Variants in ZNF584 observed in about 807,000 individuals in gnomAD.
ZNF584 encodes the protein zinc finger protein 584.
A neutral mutation model predicts 14.7 loss-of-function variants in ZNF584; 12 were observed. The ratio of observed to expected loss-of-function variants is 0.82; its 90% confidence interval spans 0.52 to 1.32. ZNF584 has a LOEUF of 1.32. ZNF584 is among the 40% of genes most tolerant of loss of function. The pLI, the probability that ZNF584 is intolerant of heterozygous loss-of-function variation, is 0.00. For missense variants in ZNF584, 478 were observed against 518.8 expected (o/e 0.92, Z 0.76); for synonymous variants, 204 against 190.9 (o/e 1.07, Z -0.57).
chr19:58,404,371 G>T (rs1176477663), upstream of ZNF584: 1 of 152,422 alleles, frequency 6.6e-6, no homozygotes, highest in Non-Finnish European at 1.4e-5. Flanking sequence ...CTAGGCAGAG[G>T]ACCCTGCGGC....
In ZNF584 at chr19:58,413,092, A is replaced by G. The variant is rs116286027; in HGVS notation, c.170-2432A>G. 7.3e-3 allele frequency among the ~76,000 whole-genome samples: 1,116 copies of G among 152,136 alleles called. 14 individuals are homozygous for G. Among genetic ancestry groups the G allele is most frequent in the African/African-American group, 0.025 (1,025 of 41,500 alleles). On this transcript the variant is annotated intron_variant, in intron 2 of 3. Coordinates refer to ENST00000306910, the MANE Select transcript of ZNF584 (RefSeq NM_173548.3). ...CCAATTTTGTTGATTTTTTCAAAGA[A>G]CCAAATTTTGGTTTGTCGGTTCTCT... is the stretch of plus-strand genomic sequence containing the variant.
intron 3 of ZNF584, 27 bp downstream of exon 3, chr19:58,415,673 G>T: frequency 6.2e-7 from 1 of 1,609,964 alleles, no homozygotes; most frequent in South Asian, 1.1e-5. Flanking sequence ...GGAATACCTT[G>T]GTTTCAGCAG....
intron 2 of ZNF584, among the ~76,000 whole-genome samples, chr19:58,412,756 C>A (rs560225176): frequency 6.6e-6 from 1 of 152,132 alleles, no homozygotes; most frequent in Non-Finnish European, 1.5e-5. Flanking sequence ...TTAGTATTCA[C>A]CTTTGAAGCC....
upstream of ZNF584, chr19:58,408,179 C>T (rs1038371830): frequency 6.6e-6 from 1 of 152,260 alleles, no homozygotes; most frequent in African/African-American, 2.4e-5. Context: ...CTGAGCCTTG[C>T]TCCGGGCTCC....
At chr19:58,405,057 T>G, upstream of ZNF584, 1 of 129,274 alleles carries the variant, frequency 7.7e-6, no homozygotes, top group African/African-American at 3.1e-5. Flanking sequence ...CCCCCCCACC[T>G]CCCTCCCAGA....
rs373832342 is a variant in ZNF584, at chr19:58,417,788, C to T, written c.*4C>T. On this transcript the variant is annotated 3_prime_UTR_variant, in exon 4 of 4. Coordinates refer to ENST00000306910, the MANE Select transcript of ZNF584 (RefSeq NM_173548.3). ...TGGGAAGGTCGTTAGCTGCTAGCAC[C>T]GTGTTCATCAGGAAAGGTCTTATTC... is the stretch of plus-strand genomic sequence containing the variant. 23 of 1,591,490 alleles carry T rather than the reference C, an allele frequency of 1.4e-5. No homozygotes were observed. The highest frequency in any genetic ancestry group is 4.0e-5 in the African/African-American group (3 of 74,190).
Position 58,417,161 on chromosome 19 carries a change from G to A in ZNF584, c.643G>A (p.Val215Met). 2 of 1,613,798 alleles carry A rather than the reference G, an allele frequency of 1.2e-6. No individual in the cohort carries two copies. Among genetic ancestry groups the A allele is most frequent in the Non-Finnish European group, 1.7e-6 (2 of 1,179,718 alleles). Reference protein sequence around the residue: ...RKIHTGETAHVCNECGKAFSY... With the variant: ...RKIHTGETAHMCNECGKAFSY... ...AATTCACACTGGAGAAACAGCCCAT[G>A]TGTGTAATGAATGTGGGAAGGCCTT... The change falls in exon 4 of 4, where the codon GTG becomes ATG. Residue 215 changes from valine to methionine, a missense_variant. This residue lies in a region of ZNF584 where 283 missense variants were observed against 317.3 expected (regional missense o/e 0.89). Transcript: ENST00000306910.
chr19:58,409,082 C>A lies in ZNF584; in HGVS notation c.-66C>A. ...AAGGTTCCACGGCGGCCGAGGGTTT[C>A]CGCGCCCGGGACGCGTTTCGGCTGA... On this transcript the variant is annotated 5_prime_UTR_variant, in exon 1 of 4. Transcript: ENST00000306910. 1 of 1,456,918 alleles carries A rather than the reference C, an allele frequency of 6.9e-7. No individual in the cohort carries two copies. Among genetic ancestry groups the A allele is most frequent in the East Asian group, 2.9e-5 (1 of 34,536 alleles). The allele number at this position is 1,456,918 out of a possible 1,614,324, so 90.2% of individuals were successfully genotyped here.
chr19:58,410,683 A>G (rs577164711), intron 2 of ZNF584, among the ~76,000 whole-genome samples: 741 of 50,566 alleles, frequency 0.015, 164 homozygotes, highest in Admixed American at 0.04. Flanking sequence ...GTGTATATAT[A>G]TGTATATATG....
intron 2 of ZNF584, among the ~76,000 whole-genome samples, chr19:58,415,119 TC>T (rs774633557): frequency 2.1e-4 from 32 of 152,040 alleles, no homozygotes; most frequent in Non-Finnish European, 4.6e-4. Context: ...AGTCTTGATC[TC>T]CTGACCTCGT....
At chr19:58,405,182 C>T (rs771184372), upstream of ZNF584, 64 of 149,838 alleles carry the variant, frequency 4.3e-4, no homozygotes, top group Middle Eastern at 3.5e-3. Context: ...GACCCCCCCA[C>T]CTCCCTCCCG....
At chr19:58,410,539 A>AATTTT in intron 2 of ZNF584, among the ~76,000 whole-genome samples, 7 of 38,694 alleles carry the variant, frequency 1.8e-4, no homozygotes, top group African/African-American at 6.3e-4. Context: ...ATATATATAT[A>AATTTT]TATATATATA....
chr19:58,407,094 C>G (rs1192828904), upstream of ZNF584: 1 of 152,414 alleles, frequency 6.6e-6, no homozygotes, highest in Admixed American at 6.5e-5. Flanking sequence ...GGCTGGGCAC[C>G]AGGTGTGAGA....
In ZNF584 at chr19:58,416,925, A is replaced by C; in HGVS notation, c.407A>C (p.His136Pro). The change falls in exon 4 of 4, where the codon CAT (histidine) becomes CCT (proline). Residue 136 changes from histidine (H) to proline (P), a missense_variant. His to Pro is a moderately conservative substitution (Grantham distance 77). Transcript: ENST00000306910. ...SEGKPRRHTE[H>P]GAAFPPGSSC... is the part of the protein sequence containing the mutation. Reference sequence around the variant, plus strand: ...GGGAAACCAAGAAGGCACACTGAGCATGGGGCAGCTTTCCCACCTGGTTCC... The same window carrying C: ...GGGAAACCAAGAAGGCACACTGAGCCTGGGGCAGCTTTCCCACCTGGTTCC... 5.0e-6 allele frequency: 8 copies of C among 1,613,266 alleles called. No individual in the cohort carries two copies. The highest frequency in any genetic ancestry group is 6.8e-6 in the Non-Finnish European group (8 of 1,179,474).
upstream of ZNF584, chr19:58,404,452 C>T (rs2052450810): frequency 6.4e-6 from 1 of 155,368 alleles, no homozygotes; most frequent in Middle Eastern, 3.2e-3. Flanking sequence ...AGCATGCTGC[C>T]TTCAAGCATC....
intron 2 of ZNF584, among the ~76,000 whole-genome samples, chr19:58,412,629 T>A (rs941025480): frequency 6.6e-6 from 1 of 152,210 alleles, no homozygotes. Flanking sequence ...TTATAATGTC[T>A]CTGTATTGAG....
At chr19:58,410,557 A>ATATATATATGTG (rs1340373210) in intron 2 of ZNF584, among the ~76,000 whole-genome samples, 8 of 26,002 alleles carry the variant, frequency 3.1e-4, no homozygotes, top group Admixed American at 2.3e-3. Flanking sequence ...ATATATATAT[A>ATATATATATGTG]TGTGTATATA....
In ZNF584 at chr19:58,417,575, C is replaced by T. The variant is rs2052661976; in HGVS notation, c.1057C>T (p.Pro353Ser). Reference sequence around the variant, plus strand: ...CTGGAAAGTCCACACTGGGGAACGGCCCTATGAATGTAGCCTGTGTGGGAA... The same window carrying T: ...CTGGAAAGTCCACACTGGGGAACGGTCCTATGAATGTAGCCTGTGTGGGAA... ...QHWKVHTGER[P>S]YECSLCGKTF... Residue 353 changes from proline (P) to serine (S), a missense_variant, in exon 4 of 4, where the codon CCC becomes TCC. Physicochemically the swap from Pro to Ser is moderately conservative, Grantham distance 74 (BLOSUM62 -1). Coordinates refer to ENST00000306910, the MANE Select transcript of ZNF584 (RefSeq NM_173548.3). 6.2e-7 allele frequency: 1 copy of T among 1,614,056 alleles called. No individual in the cohort carries two copies. The highest frequency in any genetic ancestry group is 8.5e-7 in the Non-Finnish European group (1 of 1,180,048).
At chr19:58,413,276 C>G (rs1016743326) in intron 2 of ZNF584, among the ~76,000 whole-genome samples, 2 of 151,834 alleles carry the variant, frequency 1.3e-5, no homozygotes, top group Non-Finnish European at 2.9e-5. Flanking sequence ...CATAATGTTC[C>G]TGCTAAGCTC....
Sources: allele counts gnomAD v4.1 joint callset (sites outside exome capture counted in the v4.1 genomes callset), GRCh38; gene constraint gnomAD v4.1.1; regional missense constraint gnomAD v4.1.1; transcripts MANE v1.5; gene names NCBI Gene and HGNC (gene_info 2026-07-23, HGNC 2026-07-21).